Variants in COG5 observed in about 807,000 individuals in gnomAD.
The protein encoded by COG5 is component of oligomeric golgi complex 5.
Under a neutral mutation model 110.4 loss-of-function variants are expected in COG5, and 86 were observed. The observed-to-expected ratio is 0.78, with a 90% CI of 0.65 to 0.93. The LOEUF (loss-of-function observed/expected upper bound fraction) is 0.93. Among genes scored for constraint, COG5 ranks in the 40% least tolerant of loss-of-function variants. The probability of loss-of-function intolerance (pLI) is 0.00; values close to 1 mark genes in which losing one functional copy is unlikely to be tolerated. For synonymous variants in COG5, 360 were observed against 334.6 expected (o/e 1.08, Z -0.83); for missense variants, 1,077 against 987.0 (o/e 1.09, Z -1.22).
intron 11 of COG5, among the ~76,000 whole-genome samples, chr7:107,315,922 A>G (rs1808690464): frequency 6.6e-6 from 1 of 152,218 alleles, no homozygotes; most frequent in Non-Finnish European, 1.5e-5. Context: ...TACATATTGT[A>G]TGTTTCCTGT....
intron 6 of COG5, among the ~76,000 whole-genome samples, chr7:107,523,048 C>T (rs957479808): frequency 6.8e-6 from 1 of 147,678 alleles, no homozygotes; most frequent in Admixed American, 6.6e-5. Context: ...TTTCTAAAAG[C>T]CCCCCTGGAA....
In COG5 at chr7:107,474,118, C is replaced by A; in HGVS notation, c.538+53119G>T. On this transcript the variant is annotated intron_variant, in intron 6 of 21. Coordinates refer to ENST00000297135, the MANE Select transcript of COG5 (RefSeq NM_006348.5). This position sits in a 1 kb window ranked among gnomAD's most constrained non-coding sequence, Gnocchi z 5.7. ...GCAGTCTGAATCTAACATTACAGTGCGAGATGACATTGATGACATCAACAC... is the reference window on the plus strand; with the variant it reads ...GCAGTCTGAATCTAACATTACAGTGAGAGATGACATTGATGACATCAACAC... The A allele has an allele frequency of 6.2e-7, 1 of 1,606,998 alleles. No individual in the cohort carries two copies. Among genetic ancestry groups the A allele is most frequent in the Non-Finnish European group, 8.5e-7 (1 of 1,174,930 alleles).
chr7:107,548,263 A>C lies in COG5; in HGVS notation c.347+15T>G. The C allele has an allele frequency of 6.2e-7, 1 of 1,608,894 alleles. No individual in the cohort carries two copies. The highest frequency in any genetic ancestry group is 8.5e-7 in the Non-Finnish European group (1 of 1,175,276). On this transcript the variant is annotated intron_variant, in intron 4 of 21. Coordinates refer to ENST00000297135, the MANE Select transcript of COG5 (RefSeq NM_006348.5). The stretch of plus-strand genomic sequence containing the variant: ...ACATTCCCATTCCATTTATTTATAA[A>C]ATTAAGAACAGTACCTATCAACAGC...
At chr7:107,299,857 ATC>A (rs1554409295) in intron 11 of COG5, among the ~76,000 whole-genome samples, 4 of 126,980 alleles carry the variant, frequency 3.2e-5, no homozygotes, top group African/African-American at 9.2e-5. Flanking sequence ...ATATATATAT[ATC>A]TGGAATTATC....
intron 7 of COG5, among the ~76,000 whole-genome samples, chr7:107,390,968 C>T (rs2129056644): frequency 6.6e-6 from 1 of 151,872 alleles, no homozygotes; most frequent in East Asian, 1.9e-4. Flanking sequence ...CACCCTAATC[C>T]TCTTTGAGCT....
At chr7:107,374,990 C>G (rs1326490909) in intron 7 of COG5, among the ~76,000 whole-genome samples, 1 of 151,986 alleles carries the variant, frequency 6.6e-6, no homozygotes, top group Non-Finnish European at 1.5e-5. Flanking sequence ...GATCATGAAG[C>G]TAAGTATTAT....
At chr7:107,494,511 G>C (rs1798154289) in intron 6 of COG5, among the ~76,000 whole-genome samples, 1 of 152,050 alleles carries the variant, frequency 6.6e-6, no homozygotes, top group African/African-American at 2.4e-5. Flanking sequence ...TATTTAAGTA[G>C]ACAAGTACCA....
chr7:107,280,025 G>T (rs1805039701), intron 14 of COG5, among the ~76,000 whole-genome samples: 1 of 151,858 alleles, frequency 6.6e-6, no homozygotes, highest in Non-Finnish European at 1.5e-5. Context: ...CTTTCTTACA[G>T]TGTTATCTTC....
At chr7:107,490,810 T>C (rs1049019450) in intron 6 of COG5, among the ~76,000 whole-genome samples, 4 of 152,138 alleles carry the variant, frequency 2.6e-5, no homozygotes, top group Non-Finnish European at 4.4e-5. Context: ...TGTCTCTCAA[T>C]CACAAATTAC....
At chr7:107,526,925 G>C (rs953450343) in intron 6 of COG5, among the ~76,000 whole-genome samples, 21 of 152,164 alleles carry the variant, frequency 1.4e-4, no homozygotes, top group Non-Finnish European at 8.8e-5. Flanking sequence ...AGGGAATCTG[G>C]AGGAGTGATG....
intron 7 of COG5, among the ~76,000 whole-genome samples, chr7:107,403,077 G>C (rs565911736): frequency 6.6e-6 from 1 of 152,080 alleles, no homozygotes; most frequent in East Asian, 1.9e-4. Flanking sequence ...AAAACACTTA[G>C]GCAATTAACT....
intron 5 of COG5, among the ~76,000 whole-genome samples, chr7:107,531,892 T>C (rs1801238383): frequency 1.3e-5 from 2 of 152,250 alleles, no homozygotes; most frequent in Middle Eastern, 6.8e-3. Flanking sequence ...CAAAGCCTAT[T>C]CAAGTCAGTT....
intron 6 of COG5, among the ~76,000 whole-genome samples, chr7:107,439,718 T>C (rs941578725): frequency 2.0e-5 from 3 of 152,178 alleles, no homozygotes; most frequent in Non-Finnish European, 2.9e-5. Flanking sequence ...AAGTAGACTA[T>C]CATGTCATCT....
At chr7:107,233,087 T>C (rs917895282) in intron 18 of COG5, among the ~76,000 whole-genome samples, 2 of 152,208 alleles carry the variant, frequency 1.3e-5, no homozygotes, top group African/African-American at 4.8e-5. Flanking sequence ...TAGATATAAA[T>C]GTATGCTTAA....
chr7:107,276,317 T>C (rs1804699647), intron 14 of COG5, among the ~76,000 whole-genome samples: 2 of 152,060 alleles, frequency 1.3e-5, no homozygotes. Flanking sequence ...ACAGTTCCCT[T>C]ATGTACTAAT....
At position 107,211,292 on chromosome 7, in the gene COG5, T is replaced by A. The variant is rs1799156494; in HGVS notation, c.2169-67A>T. 1.9e-6 allele frequency: 3 copies of A among 1,550,028 alleles called. No individual in the cohort carries two copies. In the Admixed American group the frequency reaches 5.0e-5, roughly 26 times the overall value. ...TGAAATAGGTGATTTGGTGGGAGAATCATTCTCCTTGTAGAATAGCATTTT... is the reference window on the plus strand; with the variant it reads ...TGAAATAGGTGATTTGGTGGGAGAAACATTCTCCTTGTAGAATAGCATTTT... On this transcript the variant is annotated intron_variant, in intron 19 of 21. Coordinates refer to ENST00000297135, the MANE Select transcript of COG5 (RefSeq NM_006348.5).
chr7:107,220,232 G>A (rs930297447), intron 19 of COG5, among the ~76,000 whole-genome samples: 1 of 152,168 alleles, frequency 6.6e-6, no homozygotes, highest in Non-Finnish European at 1.5e-5. Flanking sequence ...ATTTTGAACT[G>A]TCAACAACTT....
chr7:107,521,082 G>A (rs891552351), intron 6 of COG5, among the ~76,000 whole-genome samples: 4 of 152,316 alleles, frequency 2.6e-5, no homozygotes, highest in Admixed American at 2.6e-4. Context: ...GGGAAAACTG[G>A]CTAGCCGTAT....
chr7:107,456,430 G>A (rs1795672845), intron 6 of COG5, among the ~76,000 whole-genome samples: 1 of 152,162 alleles, frequency 6.6e-6, no homozygotes, highest in Non-Finnish European at 1.5e-5. Context: ...TAGACAGCAG[G>A]CAATGCAGGA....
Sources: allele counts gnomAD v4.1 joint callset (sites outside exome capture counted in the v4.1 genomes callset), GRCh38; gene constraint gnomAD v4.1.1; non-coding constraint Gnocchi (gnomAD v3.1); transcripts MANE v1.5; gene names NCBI Gene and HGNC (gene_info 2026-07-23, HGNC 2026-07-21).